The following AURKB variants were observed in gnomAD, a reference collection of about 807,000 sequenced individuals.
AURKB encodes aurora kinase B-Sv1.
AURKB carries 28 observed loss-of-function variants against 36.5 expected under a neutral mutation model. The observed-to-expected ratio is 0.77, with a 90% CI of 0.57 to 1.05. The LOEUF (loss-of-function observed/expected upper bound fraction) is 1.05, where lower values mean the gene tolerates loss of function less well. AURKB is among the 50% of genes least tolerant of loss of function. The pLI is 0.00. For synonymous variants in AURKB, 175 were observed against 172.9 expected (o/e 1.01, Z -0.09); for missense variants, 383 against 447.4 (o/e 0.86, Z 1.30).
intron 2 of AURKB, among the ~76,000 whole-genome samples, chr17:8,208,418 C>T (rs1985658731): frequency 6.7e-6 from 1 of 148,202 alleles, no homozygotes; most frequent in Non-Finnish European, 1.5e-5. Flanking sequence ...GAGCTAGACT[C>T]CATCTCAAAA....
rs1454701302 is a variant in AURKB, at chr17:8,207,202, T to C, written c.372A>G (p.Arg124=). ...EKEGVEHQLR[R]EIEIQAHLHH... ...GCAGGTGGGCCTGGATTTCGATCTCTCTGCGCAGCTGATGCTCCACGCCCT... is the reference window on the plus strand; with the variant it reads ...GCAGGTGGGCCTGGATTTCGATCTCCCTGCGCAGCTGATGCTCCACGCCCT... The change falls in exon 5 of 9, where the codon AGA becomes AGG. Residue 124 remains arginine, a synonymous_variant. Transcript: ENST00000585124. The C allele has an allele frequency of 6.2e-7, 1 of 1,613,894 alleles. No individual in the cohort carries two copies. Among genetic ancestry groups the C allele is most frequent in the African/African-American group, 1.3e-5 (1 of 74,914 alleles).
intron 2 of AURKB, among the ~76,000 whole-genome samples, chr17:8,208,786 C>T (rs1985739079): frequency 6.6e-6 from 1 of 152,080 alleles, no homozygotes; most frequent in Non-Finnish European, 1.5e-5. Context: ...TTCATCCAGC[C>T]CCTCACTTAC....
At position 8,206,600 on chromosome 17, in the gene AURKB, C is replaced by T; in HGVS notation, c.577G>A (p.Gly193Arg). 1 of 1,614,200 alleles carries T rather than the reference C, an allele frequency of 6.2e-7. No individual in the cohort carries two copies. The highest frequency in any genetic ancestry group is 2.2e-5 in the East Asian group (1 of 44,876). ...ELADALMYCHGKKVIHRDIKP... is the reference protein window; with the variant it reads ...ELADALMYCHRKKVIHRDIKP... ...ATGTCTCTGTGAATCACCTTCTTCC[C>T]ATGGCAGTACATTAGAGCATCTGCC... The change falls in exon 7 of 9, where the codon GGG becomes AGG. Residue 193 changes from glycine to arginine, a missense_variant. By Grantham distance (125) the Gly-to-Arg change is moderately radical (BLOSUM62 -2). Coordinates refer to ENST00000585124, the MANE Select transcript of AURKB (RefSeq NM_004217.4). This position sits in a 1 kb window ranked among gnomAD's most constrained non-coding sequence, Gnocchi z 4.2.
At chr17:8,210,388 G>GAGACCAGCGCCCA in intron 1 of AURKB, 139 bp from the exon 2 acceptor site, 1 of 668,998 alleles carries the variant, frequency 1.5e-6, no homozygotes, top group Non-Finnish European at 2.6e-6. Flanking sequence ...TCTGGGCGCT[G>GAGACCAGCGCCCA]GTCTCACCGC....
Position 8,206,596 on chromosome 17 carries a change from T to C in AURKB, c.581A>G (p.Lys194Arg), listed in dbSNP as rs757425325. 4.3e-6 allele frequency: 7 copies of C among 1,614,202 alleles called. 1 individual carries two copies. Among genetic ancestry groups the C allele is most frequent in the South Asian group, 1.1e-5 (1 of 91,090 alleles). ...CTTTATGTCTCTGTGAATCACCTTC[T>C]TCCCATGGCAGTACATTAGAGCATC... ...LADALMYCHG[K>R]KVIHRDIKPE... The change falls in exon 7 of 9, where the codon AAG becomes AGG. Residue 194 changes from lysine to arginine, a missense_variant. Physicochemically the swap from Lys to Arg is conservative, Grantham distance 26. This residue lies in a region of AURKB where 219 missense variants were observed against 252.6 expected (regional missense o/e 0.87). Transcript: ENST00000585124. This position sits in a 1 kb window ranked among gnomAD's most constrained non-coding sequence, Gnocchi z 4.2.
intron 1 of AURKB, 70 bp from the exon 2 acceptor site, chr17:8,210,319 C>G (rs1645568516): frequency 8.4e-7 from 1 of 1,189,724 alleles, no homozygotes; most frequent in South Asian, 1.3e-5. Context: ...TTGGACCGAT[C>G]GAGCCGGAAG....
At position 8,206,788 on chromosome 17, in the gene AURKB, G is replaced by A. The variant is rs141770478; in HGVS notation, c.499C>T (p.Gln167Ter). 8 of 1,614,064 alleles carry A rather than the reference G, an allele frequency of 5.0e-6. No homozygotes were observed. The highest frequency in any genetic ancestry group is 6.8e-6 in the Non-Finnish European group (8 of 1,180,046). Residue 167 changes from glutamine (Q) to a stop codon, truncating the protein, a stop_gained, in exon 6 of 9, where the codon CAG becomes TAG. Coordinates refer to ENST00000585124, the MANE Select transcript of AURKB (RefSeq NM_004217.4). LOFTEE classifies it high-confidence loss of function. This position sits in a 1 kb window ranked among gnomAD's most constrained non-coding sequence, Gnocchi z 4.2. ...APRGELYKELQKSCTFDEQRT... is the reference protein window; with the variant it reads ...APRGELYKEL ...TGCTCGTCAAATGTGCAGCTCTTCT[G>A]CAGCTCCTTGTAGAGCTCCCCGCGG... is the stretch of plus-strand genomic sequence containing the variant.
Position 8,206,653 on chromosome 17 carries a change from C to T in AURKB, c.538-14G>A, listed in dbSNP as rs372749987. 10 of 1,613,964 alleles carry T rather than the reference C, an allele frequency of 6.2e-6. No individual in the cohort carries two copies. The highest frequency in any genetic ancestry group is 3.3e-5 in the Admixed American group (2 of 59,992). ...CTCCTCCATGATCTGGGAGGGGCAA[C>T]GACAGGCAATCAGACAAGGATGGAC... On this transcript the variant is annotated splice_polypyrimidine_tract_variant and intron_variant, in intron 6 of 8. Transcript: ENST00000585124. The surrounding 1 kb of genome is among the most constrained non-coding windows in gnomAD (Gnocchi z 4.2).
chr17:8,209,137 C>G (rs770842024), intron 2 of AURKB, among the ~76,000 whole-genome samples: 1 of 151,846 alleles, frequency 6.6e-6, no homozygotes, highest in Non-Finnish European at 1.5e-5. Flanking sequence ...TCTCCTGCCT[C>G]GGCCTCCTGA....
In AURKB at chr17:8,206,165, C is replaced by A. The variant is rs1251828160; in HGVS notation, c.686+326G>T. On this transcript the variant is annotated intron_variant, in intron 7 of 8. Coordinates refer to ENST00000585124, the MANE Select transcript of AURKB (RefSeq NM_004217.4). The surrounding 1 kb of genome is among the most constrained non-coding windows in gnomAD (Gnocchi z 4.2). ...TTTTTTTTTGAGACAGAGTCTCGAT[C>A]TGTCACACAGGCTGGAGTGCAATGG... Among the ~76,000 whole-genome samples the A allele has an allele frequency of 7.2e-6, 1 of 139,312 alleles. No homozygotes were observed. The highest frequency in any genetic ancestry group is 1.5e-5 in the Non-Finnish European group (1 of 64,802). The allele number at this position is 139,312 out of a possible 152,430, so 91.4% of individuals were successfully genotyped here.
rs369229594 is a variant in AURKB, at chr17:8,204,924, G to C, written c.982C>G (p.Arg328Gly). The stretch of plus-strand genomic sequence containing the variant: ...GGCAGCACCCTCCGAGAGTTGGCCC[G>C]GACCCAAGGGTGGGCTGAGACCTGG... Reference protein sequence around the residue: ...LAQVSAHPWVRANSRRVLPPS... With the variant: ...LAQVSAHPWVGANSRRVLPPS... Residue 328 changes from arginine to glycine, a missense_variant, in exon 9 of 9, where the codon CGG (arginine) becomes GGG (glycine). This residue lies in a region of AURKB where 219 missense variants were observed against 252.6 expected (regional missense o/e 0.87). Coordinates refer to ENST00000585124, the MANE Select transcript of AURKB (RefSeq NM_004217.4). 6 of 1,606,702 alleles carry C rather than the reference G, an allele frequency of 3.7e-6. No homozygotes were observed. In the South Asian group the frequency reaches 6.6e-5, roughly 18 times the overall value.
chr17:8,207,157 AG>A lies in AURKB; in HGVS notation c.398+18del, dbSNP rs2151472764. On this transcript the variant is annotated intron_variant, in intron 5 of 8. Transcript: ENST00000585124. Reference sequence around the variant, plus strand: ...TGAGGGAGCAGAGGGGCTTCGGCTCAGGGGGCATCAACCCATACTGCAGGTG... The same window carrying A: ...TGAGGGAGCAGAGGGGCTTCGGCTCAGGGGCATCAACCCATACTGCAGGTG... 6.2e-7 allele frequency: 1 copy of A among 1,606,026 alleles called. No individual in the cohort carries two copies.
At chr17:8,208,633 A>AAATAAAT (rs1567576430) in intron 2 of AURKB, among the ~76,000 whole-genome samples, 19 of 92,632 alleles carry the variant, frequency 2.1e-4, no homozygotes, top group African/African-American at 3.0e-4. Context: ...AATAAATAAA[A>AAATAAAT]AATAAATAAC....
intron 7 of AURKB, 60 bp from the exon 8 acceptor site, chr17:8,205,450 G>A (rs1341090928): frequency 6.4e-7 from 1 of 1,570,668 alleles, no homozygotes; most frequent in African/African-American, 1.3e-5. Context: ...TCCTTTCCCT[G>A]CTGCCTGACG....
intron 7 of AURKB, among the ~76,000 whole-genome samples, chr17:8,205,644 T>C (rs1327108916): frequency 6.6e-6 from 1 of 152,144 alleles, no homozygotes; most frequent in African/African-American, 2.4e-5. Flanking sequence ...AGGGCAGTGT[T>C]CATTTGGAGT....
intron 4 of AURKB, 55 bp downstream of exon 4, chr17:8,207,516 C>G (rs1985491979): frequency 6.3e-7 from 1 of 1,596,610 alleles, no homozygotes; most frequent in Non-Finnish European, 8.6e-7. Flanking sequence ...TCCCCGACTT[C>G]CTGCCTGTTC....
Position 8,207,156 on chromosome 17 carries a change from C to G in AURKB, c.398+20G>C, listed in dbSNP as rs1190889264. 2 of 1,605,454 alleles carry G rather than the reference C, an allele frequency of 1.2e-6. No individual in the cohort carries two copies. Among genetic ancestry groups the G allele is most frequent in the East Asian group, 2.2e-5 (1 of 44,688 alleles). The stretch of plus-strand genomic sequence containing the variant: ...GTGAGGGAGCAGAGGGGCTTCGGCT[C>G]AGGGGGCATCAACCCATACTGCAGG... On this transcript the variant is annotated intron_variant, in intron 5 of 8. Coordinates refer to ENST00000585124, the MANE Select transcript of AURKB (RefSeq NM_004217.4).
chr17:8,209,098 G>T (rs2151478140), intron 2 of AURKB, among the ~76,000 whole-genome samples: 1 of 148,476 alleles, frequency 6.7e-6, no homozygotes, highest in East Asian at 2.0e-4. Flanking sequence ...TCGGCTCACT[G>T]CAACCTCCAC....
intron 3 of AURKB, 35 bp from the exon 4 acceptor site, chr17:8,207,660 GGAT>G: frequency 6.2e-7 from 1 of 1,613,870 alleles, no homozygotes; most frequent in Non-Finnish European, 8.5e-7. Flanking sequence ...ATGCGAACAG[GGAT>G]GACCTTCTCA....
Sources: allele counts gnomAD v4.1 joint callset (sites outside exome capture counted in the v4.1 genomes callset), GRCh38; gene constraint gnomAD v4.1.1; regional missense constraint gnomAD v4.1.1; non-coding constraint Gnocchi (gnomAD v3.1); transcripts MANE v1.5; gene names NCBI Gene and HGNC (gene_info 2026-07-23, HGNC 2026-07-21).